Variants in KLHL7 observed in about 807,000 individuals in gnomAD.
KLHL7 encodes kelch-like protein 7.
In KLHL7, 44 loss-of-function variants were observed where a neutral mutation model predicts 67.4. The ratio of observed to expected loss-of-function variants is 0.65; its 90% CI spans 0.51 to 0.84. The LOEUF (loss-of-function observed/expected upper bound fraction) is 0.84. Ranked by LOEUF, KLHL7 falls within the 40% of genes least tolerant of loss-of-function variation. The probability of loss-of-function intolerance (pLI) is 0.00; values close to 1 mark genes in which losing one functional copy is unlikely to be tolerated. For missense variants in KLHL7, 362 were observed against 718.1 expected (o/e 0.50, Z 5.67); for synonymous variants, 252 against 243.3 (o/e 1.04, Z -0.33).
intron 5 of KLHL7, among the ~76,000 whole-genome samples, chr7:23,141,665 C>T (rs1256875078): frequency 6.6e-6 from 1 of 151,896 alleles, no homozygotes; most frequent in Non-Finnish European, 1.5e-5. Flanking sequence ...CTCTGTTGCC[C>T]AGGCTGGAAT....
chr7:23,127,651 A>G (rs1378439300), intron 4 of KLHL7, among the ~76,000 whole-genome samples: 4 of 152,068 alleles, frequency 2.6e-5, no homozygotes, highest in African/African-American at 9.7e-5. Context: ...AAGATCATGT[A>G]AAAAATTAAA....
At chr7:23,117,732 C>G (rs2128458313) in intron 1 of KLHL7, 1 of 1,080,466 alleles carries the variant, frequency 9.3e-7, no homozygotes, top group Non-Finnish European at 1.3e-6. Context: ...TGTTTCTTAG[C>G]CTTTGCATTT....
At chr7:23,164,159 C>G (rs1784930213) in intron 7 of KLHL7, among the ~76,000 whole-genome samples, 1 of 151,830 alleles carries the variant, frequency 6.6e-6, no homozygotes, top group South Asian at 2.1e-4. Flanking sequence ...TCTTCCCCAC[C>G]CCACCCCCCG....
intron 3 of KLHL7, 96 bp from the exon 4 acceptor site, chr7:23,124,952 G>A (rs748381157): frequency 1.6e-6 from 2 of 1,237,578 alleles, no homozygotes; most frequent in South Asian, 1.3e-5. Context: ...GTTTAATTTT[G>A]TGTTTAATTT....
intron 7 of KLHL7, among the ~76,000 whole-genome samples, chr7:23,152,867 A>G (rs1784582357): frequency 6.6e-6 from 1 of 152,198 alleles, no homozygotes; most frequent in Non-Finnish European, 1.5e-5. Flanking sequence ...AAAGAATACC[A>G]TATTTTTCTG....
intron 7 of KLHL7, chr7:23,156,243 C>T (rs1784703009): frequency 5.3e-6 from 1 of 187,094 alleles, no homozygotes; most frequent in Non-Finnish European, 1.1e-5. Context: ...AAAGTTATAG[C>T]AAAGAAAAAT....
At chr7:23,122,879 C>T (rs1783408948) in intron 1 of KLHL7, among the ~76,000 whole-genome samples, 1 of 152,214 alleles carries the variant, frequency 6.6e-6, no homozygotes, top group South Asian at 2.1e-4. Flanking sequence ...TTATTTGCCT[C>T]ATATTCCCAG....
In KLHL7 at chr7:23,117,081, C is replaced by CTTTTTTTTTTTTTTTT. The variant is rs34692665; in HGVS notation, c.121-6687_121-6672dup. ...TCATAAAATTTTCCTAGAGCCAGGCCTTTTTTTTTTTTTTTTTTTTTTTTG... is the reference window on the plus strand; with the variant it reads ...TCATAAAATTTTCCTAGAGCCAGGCCTTTTTTTTTTTTTTTTTTTTTTTTTTTTTTTTTTTTTTTTG... On this transcript the variant is annotated intron_variant, in intron 1 of 10. Coordinates refer to ENST00000339077, the MANE Select transcript of KLHL7 (RefSeq NM_001031710.3). Among the ~76,000 whole-genome samples the CTTTTTTTTTTTTTTTT allele has an allele frequency of 4.8e-4, 33 of 68,226 alleles. 4 individuals carry two copies. The highest frequency in any genetic ancestry group is 6.3e-4 in the African/African-American group (11 of 17,408). The allele number at this position is 68,226 out of a possible 152,430, so 44.8% of individuals were successfully genotyped here.
intron 6 of KLHL7, among the ~76,000 whole-genome samples, chr7:23,147,229 A>G (rs1203557249): frequency 6.6e-6 from 1 of 151,450 alleles, no homozygotes; most frequent in Non-Finnish European, 1.5e-5. Flanking sequence ...AGCTGGGATT[A>G]TGGGCGTGCG....
chr7:23,151,331 T>C (rs772665088), intron 6 of KLHL7, among the ~76,000 whole-genome samples: 13 of 152,230 alleles, frequency 8.5e-5, no homozygotes, highest in Non-Finnish European at 1.3e-4. Flanking sequence ...TTTGAAATGA[T>C]ACTTTAACAG....
chr7:23,126,259 C>A (rs551098062), intron 4 of KLHL7, among the ~76,000 whole-genome samples: 1 of 152,156 alleles, frequency 6.6e-6, no homozygotes, highest in Non-Finnish European at 1.5e-5. Context: ...GAGATTTCAT[C>A]ACACAACTCA....
intron 9 of KLHL7, among the ~76,000 whole-genome samples, chr7:23,170,516 A>G (rs1377968308): frequency 1.3e-5 from 2 of 152,222 alleles, no homozygotes; most frequent in African/African-American, 2.4e-5. Flanking sequence ...TACAGTAGGG[A>G]GACTATAGTT....
At chr7:23,165,603 C>G in intron 7 of KLHL7, 95 bp from the exon 8 acceptor site, 2 of 1,346,378 alleles carry the variant, frequency 1.5e-6, no homozygotes, top group Non-Finnish European at 2.1e-6. Context: ...AATAAATTAA[C>G]ATATTCTTAT....
At chr7:23,132,128 T>A (rs1562565410) in intron 4 of KLHL7, among the ~76,000 whole-genome samples, 1 of 152,318 alleles carries the variant, frequency 6.6e-6, no homozygotes, top group South Asian at 2.1e-4. Context: ...GATGCAGATA[T>A]CTCTTTGATA....
chr7:23,158,846 G>T (rs536562518), intron 7 of KLHL7, among the ~76,000 whole-genome samples: 1 of 152,294 alleles, frequency 6.6e-6, no homozygotes, highest in East Asian at 1.9e-4. Flanking sequence ...GACTGTGTTG[G>T]TGGCATGGAA....
intron 6 of KLHL7, among the ~76,000 whole-genome samples, chr7:23,145,969 C>G (rs1784343042): frequency 6.6e-6 from 1 of 152,180 alleles, no homozygotes; most frequent in Non-Finnish European, 1.5e-5. Flanking sequence ...TGGGCTCAAG[C>G]AACCCTCCTG....
At chr7:23,173,788 T>G (rs1244277898) in intron 10 of KLHL7, among the ~76,000 whole-genome samples, 1 of 152,226 alleles carries the variant, frequency 6.6e-6, no homozygotes, top group Non-Finnish European at 1.5e-5. Flanking sequence ...TTTAATTTTG[T>G]AGAAAAAAAT....
chr7:23,176,263 A>G lies in KLHL7; in HGVS notation c.*1965A>G, dbSNP rs1216385919. The G allele has an allele frequency of 6.6e-6, 1 of 152,170 alleles. No homozygotes were observed. 9.4% of individuals were successfully genotyped at this position (152,170 alleles called of 1,614,324 possible). ...GGAGGGTCTGCAGCAGAAACCACAC[A>G]TGCCTCTCCCCTAGCTTCTGGTGGT... On this transcript the variant is annotated 3_prime_UTR_variant, in exon 11 of 11. Transcript: ENST00000339077.
At chr7:23,148,141 G>A (rs1280413532) in intron 6 of KLHL7, among the ~76,000 whole-genome samples, 2 of 152,134 alleles carry the variant, frequency 1.3e-5, no homozygotes, top group African/African-American at 4.8e-5. Context: ...TAGACCCAAT[G>A]TTGTCCATAG....
Sources: gnomAD v4.1 joint callset for allele counts (sites outside exome capture counted in the v4.1 genomes callset) on GRCh38, gnomAD v4.1.1 for gene constraint, MANE v1.5 for transcripts, NCBI Gene and HGNC (gene_info 2026-07-23, HGNC 2026-07-21) for gene names.